TULP4: variants seen among roughly 807,000 people sequenced by gnomAD.
TULP4 encodes the protein TUB like protein 4, also known as tubby-related protein 4.
TULP4 carries 16 observed loss-of-function variants against 129.0 expected under a neutral mutation model. The observed-to-expected ratio is 0.12, with a 90% CI of 0.08 to 0.19. The LOEUF is 0.19. TULP4 is among the 10% of genes least tolerant of loss of function. The pLI is 1.00. For missense variants in TULP4, 1,842 were observed against 2,059.1 expected (o/e 0.89, Z 2.04); for synonymous variants, 998 against 854.0 (o/e 1.17, Z -2.94).
In TULP4 at chr6:158,503,770, T is replaced by A; in HGVS notation, c.4107T>A (p.Asn1369Lys). 6.2e-7 allele frequency: 1 copy of A among 1,614,106 alleles called. No homozygotes were observed. Among genetic ancestry groups the A allele is most frequent in the Non-Finnish European group, 8.5e-7 (1 of 1,180,026 alleles). The change falls in exon 13 of 14, where the codon AAT (asparagine) becomes AAA (lysine). Residue 1369 changes from asparagine to lysine, a missense_variant. Physicochemically the swap from Asn to Lys is moderately conservative, Grantham distance 94. Coordinates refer to ENST00000367097, the MANE Select transcript of TULP4 (RefSeq NM_020245.5). This position sits in a 1 kb window ranked among gnomAD's most constrained non-coding sequence, Gnocchi z 4.3. ...KKEARTLSDF[N>K]SLISSPHLGR... ...AGGCTAGGACTTTGAGTGACTTTAA[T>A]TCCCTAATCTCCAGCCCACACCTGG...
At chr6:158,288,602 G>A (rs1442996786) in intron 1 of TULP4, among the ~76,000 whole-genome samples, 5 of 151,836 alleles carry the variant, frequency 3.3e-5, no homozygotes, top group Non-Finnish European at 7.4e-5. Flanking sequence ...CCGGGTTCAC[G>A]CCATTCTCCT....
At chr6:158,423,432 G>A (rs1030168654) in intron 2 of TULP4, among the ~76,000 whole-genome samples, 1 of 152,120 alleles carries the variant, frequency 6.6e-6, no homozygotes, top group African/African-American at 2.4e-5. Flanking sequence ...TGCTAGAAGA[G>A]AAAATGTTAA....
chr6:158,461,837 G>T, intron 6 of TULP4, 108 bp downstream of exon 6: 2 of 1,313,874 alleles, frequency 1.5e-6, no homozygotes, highest in Non-Finnish European at 2.1e-6. Flanking sequence ...ACCTTAGGTT[G>T]TGGTGGGTAA....
At chr6:158,471,679 A>C (rs1205084103) in intron 6 of TULP4, among the ~76,000 whole-genome samples, 1 of 152,228 alleles carries the variant, frequency 6.6e-6, no homozygotes, top group Admixed American at 6.5e-5. Flanking sequence ...CAAAACAAAC[A>C]TAAATATTAG....
chr6:158,340,721 T>C (rs1780160926), intron 1 of TULP4, among the ~76,000 whole-genome samples: 1 of 152,210 alleles, frequency 6.6e-6, no homozygotes, highest in South Asian at 2.1e-4. Flanking sequence ...GACCCAGTGA[T>C]TCCAGAGAGT....
intron 1 of TULP4, among the ~76,000 whole-genome samples, chr6:158,386,112 T>C (rs1777442928): frequency 6.6e-6 from 1 of 152,086 alleles, no homozygotes; most frequent in African/African-American, 2.4e-5. Context: ...CCCAAAGTGC[T>C]ATGATTACAA....
At chr6:158,414,131 G>C (rs1385976225) in intron 2 of TULP4, among the ~76,000 whole-genome samples, 7 of 152,344 alleles carry the variant, frequency 4.6e-5, no homozygotes, top group Admixed American at 3.9e-4. Context: ...GAGGATTTCT[G>C]TAAGATATCA....
At chr6:158,359,861 G>A (rs1434722413) in intron 1 of TULP4, among the ~76,000 whole-genome samples, 1 of 152,132 alleles carries the variant, frequency 6.6e-6, no homozygotes, top group Middle Eastern at 3.2e-3. Context: ...ATTTTAGACG[G>A]CTTCTTTGAC....
At chr6:158,380,730 C>T (rs1777301910) in intron 1 of TULP4, among the ~76,000 whole-genome samples, 1 of 151,580 alleles carries the variant, frequency 6.6e-6, no homozygotes, top group South Asian at 2.1e-4. Context: ...CCTGCCTCTA[C>T]TAAAAATACA....
At chr6:158,366,455 C>A (rs1239298921) in intron 1 of TULP4, among the ~76,000 whole-genome samples, 1 of 152,172 alleles carries the variant, frequency 6.6e-6, no homozygotes, top group Non-Finnish European at 1.5e-5. Context: ...CTCCTGCTGC[C>A]CCAGGGATGG....
intron 1 of TULP4, among the ~76,000 whole-genome samples, chr6:158,330,554 C>G (rs891024356): frequency 2.6e-5 from 4 of 152,180 alleles, no homozygotes; most frequent in African/African-American, 4.8e-5. Flanking sequence ...GAGTGTACAT[C>G]TTGGTCCTTT....
chr6:158,241,430 G>C (rs530568292), intron 1 of TULP4, among the ~76,000 whole-genome samples: 4 of 148,084 alleles, frequency 2.7e-5, no homozygotes, highest in South Asian at 2.2e-4. Flanking sequence ...CTGAGATCAC[G>C]CCACTGCACT....
chr6:158,453,681 C>T (rs949318324), intron 5 of TULP4, among the ~76,000 whole-genome samples: 6 of 149,946 alleles, frequency 4.0e-5, no homozygotes, highest in Non-Finnish European at 5.9e-5. Flanking sequence ...CCCAGCTACT[C>T]GGGAGGCTGA....
At chr6:158,451,659 G>A (rs755838833) in intron 4 of TULP4, among the ~76,000 whole-genome samples, 2 of 152,214 alleles carry the variant, frequency 1.3e-5, no homozygotes, top group Non-Finnish European at 2.9e-5. Context: ...CTCTGTGGCT[G>A]CTTATTTCCT....
intron 1 of TULP4, among the ~76,000 whole-genome samples, chr6:158,244,871 A>T (rs1193484920): frequency 6.6e-6 from 1 of 152,156 alleles, no homozygotes; most frequent in African/African-American, 2.4e-5. Flanking sequence ...AACTAAAAAC[A>T]TAAAAGAAAC....
chr6:158,452,218 T>C lies in TULP4; in HGVS notation c.809T>C (p.Met270Thr). ...TTCACCTCGGGAGACATCAGCTTAA[T>C]GAACAACTACGATGACTTGTCTCCC... ...VSFTSGDISL[M>T]NNYDDLSPTV... Residue 270 changes from methionine (M) to threonine (T), a missense_variant, in exon 5 of 14, where the codon ATG becomes ACG. Around this residue, in one of 5 missense-constraint regions of TULP4, gnomAD observed 456 missense variants for 534.3 expected, o/e 0.85. Coordinates refer to ENST00000367097, the MANE Select transcript of TULP4 (RefSeq NM_020245.5). 1 of 1,614,186 alleles carries C rather than the reference T, an allele frequency of 6.2e-7. No individual in the cohort carries two copies.
intron 6 of TULP4, among the ~76,000 whole-genome samples, chr6:158,466,268 G>C (rs1286006940): frequency 6.6e-6 from 1 of 152,094 alleles, no homozygotes; most frequent in Non-Finnish European, 1.5e-5. Flanking sequence ...CAGTCGATAG[G>C]GGGCTTAGGA....
intron 4 of TULP4, among the ~76,000 whole-genome samples, chr6:158,449,904 T>G (rs1284770954): frequency 6.6e-6 from 1 of 152,192 alleles, no homozygotes; most frequent in African/African-American, 2.4e-5. Flanking sequence ...GATACAATAA[T>G]TGTACATATT....
intron 1 of TULP4, among the ~76,000 whole-genome samples, chr6:158,276,470 A>ATTT (rs112372831): frequency 6.9e-6 from 1 of 144,396 alleles, no homozygotes. Flanking sequence ...CCCCTGGCTA[A>ATTT]TTTTTTTTTT....
Sources: allele counts gnomAD v4.1 joint callset (sites outside exome capture counted in the v4.1 genomes callset), GRCh38; gene constraint gnomAD v4.1.1; regional missense constraint gnomAD v4.1.1; non-coding constraint Gnocchi (gnomAD v3.1); transcripts MANE v1.5; gene names NCBI Gene and HGNC (gene_info 2026-07-23, HGNC 2026-07-21).